The following GRM3 variants were observed in gnomAD, a reference collection of about 807,000 sequenced individuals.
GRM3 encodes the protein glutamate metabotropic receptor 3, also known as metabotropic glutamate receptor 3.
GRM3 carries 26 observed loss-of-function variants against 70.5 expected under a neutral mutation model. The observed-to-expected ratio is 0.37, with a 90% CI of 0.27 to 0.51. The LOEUF (loss-of-function observed/expected upper bound fraction) is 0.51. Ranked by LOEUF, GRM3 falls within the 20% of genes least tolerant of loss-of-function variation. The probability of loss-of-function intolerance (pLI) is 0.93; values close to 1 mark genes in which losing one functional copy is unlikely to be tolerated. For missense variants in GRM3, 859 were observed against 1,123.8 expected (o/e 0.76, Z 3.37); for synonymous variants, 443 against 434.9 (o/e 1.02, Z -0.23).
At chr7:86,645,811 G>C (rs922678512) in intron 1 of GRM3, among the ~76,000 whole-genome samples, 22 of 152,028 alleles carry the variant, frequency 1.4e-4, no homozygotes, top group African/African-American at 5.1e-4. Flanking sequence ...TATTTGAATA[G>C]TAATAGATAT....
chr7:86,748,576 A>T (rs1402594855), intron 1 of GRM3, among the ~76,000 whole-genome samples: 3 of 152,070 alleles, frequency 2.0e-5, no homozygotes, highest in Admixed American at 6.6e-5. Context: ...AAGAAAATTA[A>T]GAAGATCAAG....
At chr7:86,860,281 C>A (rs1798929829) in intron 5 of GRM3, among the ~76,000 whole-genome samples, 1 of 152,090 alleles carries the variant, frequency 6.6e-6, no homozygotes, top group African/African-American at 2.4e-5. Flanking sequence ...TATTTTATTA[C>A]CTTGGTGAAT....
chr7:86,786,214 A>G lies in GRM3; in HGVS notation c.469-47A>G, dbSNP rs764383319. The stretch of plus-strand genomic sequence containing the variant: ...CTATTATTCATTTTCATGTCCAGTC[A>G]TCTACCTCGGGGTTTCTAACAAAGG... On this transcript the variant is annotated intron_variant, in intron 2 of 5. Coordinates refer to ENST00000361669, the MANE Select transcript of GRM3 (RefSeq NM_000840.3). This position sits in a 1 kb window ranked among gnomAD's most constrained non-coding sequence, Gnocchi z 6.0. 1.3e-6 allele frequency: 2 copies of G among 1,538,646 alleles called. No homozygotes were observed. The highest frequency in any genetic ancestry group is 1.8e-5 in the Admixed American group (1 of 54,262).
chr7:86,845,703 G>T (rs1180910646), intron 4 of GRM3, among the ~76,000 whole-genome samples: 1 of 152,166 alleles, frequency 6.6e-6, no homozygotes, highest in Non-Finnish European at 1.5e-5. Context: ...GCAGCACAGT[G>T]AGAGAGCAGC....
chr7:86,859,940 T>C (rs1288498741), intron 5 of GRM3, among the ~76,000 whole-genome samples: 4 of 152,218 alleles, frequency 2.6e-5, no homozygotes, highest in Admixed American at 2.6e-4. Context: ...ATATGCCTTT[T>C]GATGGCTGTG....
At chr7:86,767,687 T>C (rs1430792125) in intron 2 of GRM3, among the ~76,000 whole-genome samples, 1 of 151,742 alleles carries the variant, frequency 6.6e-6, no homozygotes, top group Admixed American at 6.6e-5. Context: ...AGTAAGGGCT[T>C]ATATATATGC....
intron 3 of GRM3, among the ~76,000 whole-genome samples, chr7:86,805,431 A>G (rs185897751): frequency 1.9e-3 from 296 of 152,310 alleles, no homozygotes; most frequent in African/African-American, 6.7e-3. Context: ...ATGAACCAAC[A>G]TTGACACATC....
chr7:86,735,111 A>G (rs1275314696), intron 1 of GRM3, among the ~76,000 whole-genome samples: 2 of 152,154 alleles, frequency 1.3e-5, no homozygotes, highest in Non-Finnish European at 2.9e-5. Context: ...TCCACAAGAG[A>G]CCATGCCTTT....
At chr7:86,744,361 T>C (rs529373577) in intron 1 of GRM3, among the ~76,000 whole-genome samples, 1 of 151,772 alleles carries the variant, frequency 6.6e-6, no homozygotes, top group South Asian at 2.1e-4. Flanking sequence ...TTGGGAAAGA[T>C]GTCATATTAC....
intron 3 of GRM3, among the ~76,000 whole-genome samples, chr7:86,819,612 A>C (rs1798079897): frequency 6.6e-6 from 1 of 152,130 alleles, no homozygotes; most frequent in African/African-American, 2.4e-5. Flanking sequence ...AGCACATCAC[A>C]ATGGCTATGA....
At chr7:86,703,310 A>G (rs1262371091) in intron 1 of GRM3, among the ~76,000 whole-genome samples, 2 of 151,986 alleles carry the variant, frequency 1.3e-5, no homozygotes, top group South Asian at 2.1e-4. Flanking sequence ...TACTACCTCA[A>G]AGAGGTGGGG....
intron 2 of GRM3, among the ~76,000 whole-genome samples, chr7:86,780,562 C>A (rs1034047129): frequency 6.6e-6 from 1 of 152,158 alleles, no homozygotes; most frequent in Non-Finnish European, 1.5e-5. Context: ...GTACATGCTA[C>A]ACATGGAAAG....
intron 1 of GRM3, among the ~76,000 whole-genome samples, chr7:86,684,139 G>A (rs956452631): frequency 4.6e-5 from 7 of 151,768 alleles, no homozygotes; most frequent in African/African-American, 1.5e-4. Context: ...CTCCCTCCCC[G>A]AAGTCTTAGA....
At position 86,820,388 on chromosome 7, in the gene GRM3, C is replaced by A. The variant is rs534281892; in HGVS notation, c.1325-18451C>A. Among the ~76,000 whole-genome samples, 5 of 152,180 alleles carry A rather than the reference C, an allele frequency of 3.3e-5. No homozygotes were observed. In the South Asian group the frequency reaches 1.0e-3, roughly 32 times the overall value. ...GAGAGGTGAGAGGACATTACTGTTA[C>A]CTCTAGGTCATTATTTTTAAAGAGA... On this transcript the variant is annotated intron_variant, in intron 3 of 5. Transcript: ENST00000361669.
intron 1 of GRM3, among the ~76,000 whole-genome samples, chr7:86,668,265 CA>C (rs200176511): frequency 3.8e-5 from 5 of 131,050 alleles, no homozygotes; most frequent in Non-Finnish European, 8.2e-5. Context: ...GGTGAAATGT[CA>C]AAATTTTTTT....
chr7:86,680,033 T>TCAAG (rs1794405723), intron 1 of GRM3, among the ~76,000 whole-genome samples: 1 of 152,124 alleles, frequency 6.6e-6, no homozygotes. Flanking sequence ...CTAATTGAAA[T>TCAAG]CAAGCGTGCA....
chr7:86,759,674 C>T (rs994756915), intron 1 of GRM3, among the ~76,000 whole-genome samples: 2 of 152,046 alleles, frequency 1.3e-5, no homozygotes, highest in African/African-American at 4.8e-5. Context: ...TCATGATAAA[C>T]ATAGCACAAA....
At chr7:86,821,359 T>A (rs1372848362) in intron 3 of GRM3, among the ~76,000 whole-genome samples, 3 of 152,102 alleles carry the variant, frequency 2.0e-5, no homozygotes, top group Non-Finnish European at 4.4e-5. Context: ...GGTTACACAG[T>A]GGTGGAAACA....
intron 5 of GRM3, among the ~76,000 whole-genome samples, chr7:86,863,065 G>A (rs1441121934): frequency 6.6e-6 from 1 of 152,050 alleles, no homozygotes; most frequent in Non-Finnish European, 1.5e-5. Context: ...ACAGGCCAAG[G>A]GGTTGTATGA....
Sources: allele counts gnomAD v4.1 joint callset (sites outside exome capture counted in the v4.1 genomes callset), GRCh38; gene constraint gnomAD v4.1.1; non-coding constraint Gnocchi (gnomAD v3.1); transcripts MANE v1.5; gene names NCBI Gene and HGNC (gene_info 2026-07-23, HGNC 2026-07-21).